NLRC4: variants seen among roughly 807,000 people sequenced by gnomAD.
NLRC4 encodes NLR family CARD domain-containing protein 4.
Under a neutral mutation model 79.9 loss-of-function variants are expected in NLRC4, and 63 were observed. The ratio of observed to expected loss-of-function variants is 0.79; its 90% confidence interval spans 0.64 to 0.97. The LOEUF is 0.97. NLRC4 is among the 50% of genes least tolerant of loss of function. The probability of loss-of-function intolerance (pLI) is 0.00; values close to 1 mark genes in which losing one functional copy is unlikely to be tolerated. For synonymous variants in NLRC4, 461 were observed against 456.5 expected, an observed-to-expected ratio of 1.01 and a Z score of -0.12; for missense variants, 1,074 against 1,215.2, an observed-to-expected ratio of 0.88 and a Z score of 1.73.
In NLRC4 at chr2:32,235,532, A is replaced by T; in HGVS notation, c.2651T>A (p.Leu884Gln). 1 of 1,614,196 alleles carries T rather than the reference A, an allele frequency of 6.2e-7. No individual in the cohort carries two copies. Among genetic ancestry groups the T allele is most frequent in the Non-Finnish European group, 8.5e-7 (1 of 1,180,016 alleles). ...CACGTCACAGCCCCAGGGCAGCATCAGTGCGGTGAGCTGTTCTAGCACGTT... is the reference window on the plus strand; with the variant it reads ...CACGTCACAGCCCCAGGGCAGCATCTGTGCGGTGAGCTGTTCTAGCACGTT... ...RMNVLEQLTA[L>Q]MLPWGCDVQG... Residue 884 changes from leucine (L) to glutamine (Q), a missense_variant, in exon 8 of 9, where the codon CTG (leucine) becomes CAG (glutamine). Transcript: ENST00000402280.
chr2:32,227,518 GTC>G (rs1354165731), intron 8 of NLRC4, among the ~76,000 whole-genome samples: 1 of 152,120 alleles, frequency 6.6e-6, no homozygotes, highest in East Asian at 1.9e-4. Flanking sequence ...CCAGTTGTGT[GTC>G]TATTTAAGGC....
intron 1 of NLRC4, among the ~76,000 whole-genome samples, chr2:32,261,654 G>A (rs894318001): frequency 1.3e-5 from 2 of 151,784 alleles, no homozygotes; most frequent in East Asian, 2.0e-4. Flanking sequence ...CTGTGTCCTC[G>A]ATTCCTTTGG....
intron 8 of NLRC4, among the ~76,000 whole-genome samples, chr2:32,231,683 C>A (rs1275453918): frequency 2.6e-5 from 4 of 151,912 alleles, no homozygotes; most frequent in African/African-American, 7.3e-5. Context: ...CATCCTCCCA[C>A]CTCAGCCTCC....
chr2:32,255,289 G>A (rs747841332), intron 2 of NLRC4, among the ~76,000 whole-genome samples: 37 of 152,106 alleles, frequency 2.4e-4, no homozygotes, highest in Non-Finnish European at 4.3e-4. Flanking sequence ...GGAAGGCTGA[G>A]GTGGGCGGAT....
chr2:32,252,316 A>G, intron 3 of NLRC4, 103 bp downstream of exon 3: 1 of 827,252 alleles, frequency 1.2e-6, no homozygotes, highest in Admixed American at 2.2e-5. Context: ...CTGCCAGGTG[A>G]TATGAAGAGA....
rs146979910 is a variant in NLRC4, at chr2:32,239,783, C to T, written c.2350+1250G>A. Among the ~76,000 whole-genome samples, 10 of 152,246 alleles carry T rather than the reference C, an allele frequency of 6.6e-5. No individual in the cohort carries two copies. In the East Asian group the frequency reaches 1.9e-3, roughly 29 times the overall value. ...TTCTACCAGTTGGTAAGATCTTGAG[C>T]AAGTCAATAAGCTATTTTAGGTTCT... is the stretch of plus-strand genomic sequence containing the variant. On this transcript the variant is annotated intron_variant, in intron 5 of 8. Coordinates refer to ENST00000402280, the MANE Select transcript of NLRC4 (RefSeq NM_001199138.2).
chr2:32,245,765 G>T (rs1686920789), intron 4 of NLRC4, among the ~76,000 whole-genome samples: 1 of 151,980 alleles, frequency 6.6e-6, no homozygotes, highest in African/African-American at 2.4e-5. Flanking sequence ...CCACAAAAAT[G>T]AAAAATAGAA....
intron 8 of NLRC4, among the ~76,000 whole-genome samples, chr2:32,229,668 T>A (rs911503962): frequency 6.6e-6 from 1 of 152,082 alleles, no homozygotes; most frequent in African/African-American, 2.4e-5. Context: ...ACTAGAAACA[T>A]TTAATATCTG....
rs907550964 is a variant in NLRC4 at position 32,249,591 on chromosome 2, C to T, written c.2257+16G>A. 6.5e-7 allele frequency: 1 copy of T among 1,541,788 alleles called. No homozygotes were observed. Among genetic ancestry groups the T allele is most frequent in the East Asian group, 2.3e-5 (1 of 44,356 alleles). ...TTTTAAGTGAACAAAGCACAAACCACTGATATTTACAATACCCGGCAGCCG... is the reference window on the plus strand; with the variant it reads ...TTTTAAGTGAACAAAGCACAAACCATTGATATTTACAATACCCGGCAGCCG... On this transcript the variant is annotated intron_variant, in intron 4 of 8. Coordinates refer to ENST00000402280, the MANE Select transcript of NLRC4 (RefSeq NM_001199138.2).
chr2:32,263,346 T>G (rs2148950170), intron 1 of NLRC4, among the ~76,000 whole-genome samples: 1 of 152,324 alleles, frequency 6.6e-6, no homozygotes. Context: ...CTCCCTGGAC[T>G]ATTGTGAAGA....
chr2:32,255,146 T>C (rs1228726306), intron 2 of NLRC4, among the ~76,000 whole-genome samples: 1 of 151,942 alleles, frequency 6.6e-6, no homozygotes, highest in Non-Finnish European at 1.5e-5. Context: ...GGGTCTCATC[T>C]GTTCTCTAGC....
At chr2:32,243,795 C>CAA (rs796675444) in intron 4 of NLRC4, among the ~76,000 whole-genome samples, 6 of 67,380 alleles carry the variant, frequency 8.9e-5, no homozygotes, top group African/African-American at 2.5e-4. Flanking sequence ...GATTCCATCT[C>CAA]AAAAAAAAAA....
intron 4 of NLRC4, among the ~76,000 whole-genome samples, chr2:32,249,307 G>A (rs886077153): frequency 6.6e-5 from 10 of 152,156 alleles, no homozygotes; most frequent in Admixed American, 2.0e-4. Flanking sequence ...TATGTTACAT[G>A]CATGTTTATT....
upstream of NLRC4, among the ~76,000 whole-genome samples, chr2:32,265,293 G>A (rs374337563): frequency 1.3e-4 from 20 of 151,934 alleles, 1 homozygote; most frequent in Admixed American, 5.9e-4. Flanking sequence ...CGTTCCTCCC[G>A]CCTCAGTCCT....
At position 32,235,299 on chromosome 2, in the gene NLRC4, AGAG is replaced by A; in HGVS notation, c.2782+99_2782+101del. The A allele has an allele frequency of 3.7e-6, 3 of 808,294 alleles. No individual in the cohort carries two copies. The South Asian group carries it at 4.9e-5, about 13-fold the overall frequency. 50.1% of individuals were successfully genotyped at this position (808,294 alleles called of 1,614,324 possible). A position where few individuals can be genotyped will look rare whatever the true frequency, so the allele number is the denominator to read the frequency against. Reference sequence around the variant, plus strand: ...TAGACATATTTATATTTTAAAAAAAAGAGGAAGCAAAATAAAATAAGGGGGCAA... The same window carrying A: ...TAGACATATTTATATTTTAAAAAAAAGAAGCAAAATAAAATAAGGGGGCAA... On this transcript the variant is annotated intron_variant, in intron 8 of 8. Coordinates refer to ENST00000402280, the MANE Select transcript of NLRC4 (RefSeq NM_001199138.2).
At chr2:32,249,306 T>G (rs1196263256) in intron 4 of NLRC4, among the ~76,000 whole-genome samples, 5 of 152,214 alleles carry the variant, frequency 3.3e-5, no homozygotes, top group African/African-American at 1.2e-4. Context: ...GTATGTTACA[T>G]GCATGTTTAT....
At chr2:32,229,450 C>T (rs1686480466) in intron 8 of NLRC4, among the ~76,000 whole-genome samples, 1 of 152,052 alleles carries the variant, frequency 6.6e-6, no homozygotes. Flanking sequence ...GCCAAGATCG[C>T]ACCACTGCAC....
At chr2:32,243,213 A>C (rs1336464770) in intron 4 of NLRC4, among the ~76,000 whole-genome samples, 1 of 151,852 alleles carries the variant, frequency 6.6e-6, no homozygotes, top group African/African-American at 2.4e-5. Context: ...GTTTGACACC[A>C]GCCTGGCCAA....
chr2:32,264,552 C>T (rs1687425157), intron 1 of NLRC4, among the ~76,000 whole-genome samples, 186 bp downstream of exon 1: 1 of 151,852 alleles, frequency 6.6e-6, no homozygotes, highest in South Asian at 2.1e-4. Context: ...CTGATGAAGC[C>T]CCAGCAGACC....
Sources: allele counts gnomAD v4.1 joint callset (sites outside exome capture counted in the v4.1 genomes callset), GRCh38; gene constraint gnomAD v4.1.1; transcripts MANE v1.5; gene names NCBI Gene and HGNC (gene_info 2026-07-23, HGNC 2026-07-21).